HEG1: variants seen among roughly 807,000 people sequenced by gnomAD.
HEG1 encodes protein HEG homolog 1.
In HEG1, 56 loss-of-function variants were observed where a neutral mutation model predicts 125.6. That is an observed-to-expected ratio of 0.45 (90% CI 0.36 to 0.56). The LOEUF (loss-of-function observed/expected upper bound fraction) is 0.56. Among genes scored for constraint, HEG1 ranks in the 20% least tolerant of loss-of-function variants. HEG1 has a pLI of 0.00. For synonymous variants in HEG1, 644 were observed against 668.5 expected (o/e 0.96, Z 0.57); for missense variants, 1,523 against 1,670.0 (o/e 0.91, Z 1.53).
In HEG1 at chr3:124,969,566, A is replaced by G. The variant is rs1936389750; in HGVS notation, c.*1086T>C. The G allele has an allele frequency of 6.6e-6, 1 of 152,230 alleles. No individual in the cohort carries two copies. The highest frequency in any genetic ancestry group is 6.5e-5 in the Admixed American group (1 of 15,284). 9.4% of individuals were successfully genotyped at this position (152,230 alleles called of 1,614,324 possible). ...GTACAAAGTGCTGCAGTAGCCGGTG[A>G]GCAAACTCATGTGTGGCTCCATCTC... On this transcript the variant is annotated 3_prime_UTR_variant, in exon 17 of 17. Coordinates refer to ENST00000311127, the MANE Select transcript of HEG1 (RefSeq NM_020733.2).
rs556412618 is a variant in HEG1, at chr3:125,015,069, G to A, written c.1589-1079C>T. The A allele has an allele frequency of 1.7e-4, 194 of 1,154,008 alleles. No individual in the cohort carries two copies. In the African/African-American group the frequency reaches 2.8e-3, roughly 17 times the overall value. The allele number at this position is 1,154,008 out of a possible 1,614,324, so 71.5% of individuals were successfully genotyped here. On this transcript the variant is annotated intron_variant, in intron 5 of 16. Coordinates refer to ENST00000311127, the MANE Select transcript of HEG1 (RefSeq NM_020733.2). The stretch of plus-strand genomic sequence containing the variant: ...AATGCAGGGCTGGAGCGACAGGATC[G>A]TGCCCCAAGCCTCACTTCCTGGGCT...
intron 7 of HEG1, 113 bp from the exon 8 acceptor site, chr3:125,009,937 CA>C: frequency 9.1e-7 from 1 of 1,104,420 alleles, no homozygotes; most frequent in African/African-American, 1.6e-5. Context: ...GGTGAGACCC[CA>C]AAGGATAAGT....
intron 4 of HEG1, 72 bp from the exon 5 acceptor site, chr3:125,019,669 G>C: frequency 8.4e-7 from 1 of 1,191,632 alleles, no homozygotes; most frequent in Non-Finnish European, 1.2e-6. Context: ...TAAGAAGTGA[G>C]ACCTCTCTAG....
chr3:125,055,132 C>G (rs1470450038), intron 1 of HEG1, among the ~76,000 whole-genome samples: 2 of 152,112 alleles, frequency 1.3e-5, no homozygotes, highest in African/African-American at 4.8e-5. Context: ...TACAATATCC[C>G]GTCCTAGAAC....
chr3:125,036,219 A>AAAAAAAAAAAAG, intron 1 of HEG1, among the ~76,000 whole-genome samples: 1 of 150,738 alleles, frequency 6.6e-6, no homozygotes, highest in Admixed American at 6.6e-5. Flanking sequence ...CAAAAAAAAA[A>AAAAAAAAAAAAG]AAAAAAAGAA....
In HEG1 at chr3:125,022,896, T is replaced by C. The variant is rs560448266; in HGVS notation, c.914-1766A>G. On this transcript the variant is annotated intron_variant, in intron 3 of 16. Coordinates refer to ENST00000311127, the MANE Select transcript of HEG1 (RefSeq NM_020733.2). Reference sequence around the variant, plus strand: ...TAATTTCATCCATTCAACATTCCCATCAAAATCCAGTGGTCGGCCGGGTGC... The same window carrying C: ...TAATTTCATCCATTCAACATTCCCACCAAAATCCAGTGGTCGGCCGGGTGC... Among the ~76,000 whole-genome samples the C allele has an allele frequency of 2.4e-4, 36 of 152,192 alleles. No homozygotes were observed. In the South Asian group the frequency reaches 7.5e-3, roughly 32 times the overall value.
At position 125,021,040 on chromosome 3, in the gene HEG1, A is replaced by T. The variant is rs763592333; in HGVS notation, c.1004T>A (p.Phe335Tyr). Residue 335 changes from phenylalanine (F) to tyrosine (Y), a missense_variant, in exon 4 of 17, where the codon TTC becomes TAC. By Grantham distance (22) the Phe-to-Tyr change is conservative (BLOSUM62 3). Coordinates refer to ENST00000311127, the MANE Select transcript of HEG1 (RefSeq NM_020733.2). Reference sequence around the variant, plus strand: ...CAGCGTTCTCGGGCCACCATCAGTGAACACGGTGGCAACATGCATTGTCTT... The same window carrying T: ...CAGCGTTCTCGGGCCACCATCAGTGTACACGGTGGCAACATGCATTGTCTT... ...QTKTMHVATV[F>Y]TDGGPRTLRS... 2 of 1,611,996 alleles carry T rather than the reference A, an allele frequency of 1.2e-6. No individual in the cohort carries two copies. The highest frequency in any genetic ancestry group is 2.7e-5 in the African/African-American group (2 of 74,894).
At chr3:125,033,611 T>C (rs1233208417) in intron 1 of HEG1, among the ~76,000 whole-genome samples, 1 of 152,188 alleles carries the variant, frequency 6.6e-6, no homozygotes, top group Non-Finnish European at 1.5e-5. Context: ...AGGATGTATT[T>C]ACGAGTGGTC....
Position 124,995,555 on chromosome 3 carries a change from T to A in HEG1, c.3652+2134A>T, listed in dbSNP as rs558043977. Among the ~76,000 whole-genome samples, 9 of 152,316 alleles carry A rather than the reference T, an allele frequency of 5.9e-5. No homozygotes were observed. In the South Asian group the frequency reaches 1.9e-3, roughly 32 times the overall value. The stretch of plus-strand genomic sequence containing the variant: ...AACACACACTCCTCTATCCTCTATT[T>A]ATATTGAGCCTTGATTTGAGGTGTC... On this transcript the variant is annotated intron_variant, in intron 12 of 16. Coordinates refer to ENST00000311127, the MANE Select transcript of HEG1 (RefSeq NM_020733.2).
chr3:125,005,214 C>A, intron 9 of HEG1, 51 bp downstream of exon 9: 1 of 1,099,936 alleles, frequency 9.1e-7, no homozygotes. Context: ...GGAATAAAAT[C>A]TGTTCTAGGA....
At chr3:125,015,017 A>T (rs983898546) in intron 5 of HEG1, 20 of 1,228,418 alleles carry the variant, frequency 1.6e-5, no homozygotes, top group Non-Finnish European at 1.9e-5. Flanking sequence ...CCAAGGCTAA[A>T]AGTAGAGTGA....
chr3:125,007,632 T>C (rs1042237770), intron 8 of HEG1, among the ~76,000 whole-genome samples: 1 of 152,218 alleles, frequency 6.6e-6, no homozygotes, highest in Non-Finnish European at 1.5e-5. Flanking sequence ...TATATTACTT[T>C]ACTTGATCTT....
intron 14 of HEG1, among the ~76,000 whole-genome samples, chr3:124,982,016 C>CCT (rs771371183): frequency 1.4e-4 from 21 of 152,116 alleles, no homozygotes; most frequent in Non-Finnish European, 2.9e-4. Flanking sequence ...GATTCTCCTT[C>CCT]CTCAGCCAGC....
Position 125,013,927 on chromosome 3 carries a change from T to C in HEG1, c.1652A>G (p.His551Arg), listed in dbSNP as rs1456835886. 2.5e-6 allele frequency: 4 copies of C among 1,613,274 alleles called. No individual in the cohort carries two copies. Among genetic ancestry groups the C allele is most frequent in the Non-Finnish European group, 3.4e-6 (4 of 1,179,718 alleles). Residue 551 changes from histidine (H) to arginine (R), a missense_variant, in exon 6 of 17, where the codon CAC becomes CGC. His to Arg is a conservative substitution (Grantham distance 29, BLOSUM62 0). Transcript: ENST00000311127. ...AGATGACAGGTAGGTGTGGTCTGTG[T>C]GGTCGCTGGAAGTCCTTTGTTCAAT... ...TAIEQRTSSDHTDHTYLSSTF... is the reference protein window; with the variant it reads ...TAIEQRTSSDRTDHTYLSSTF...
Position 125,027,298 on chromosome 3 carries a change from G to A in HEG1, c.820C>T (p.Pro274Ser). 6.2e-7 allele frequency: 1 copy of A among 1,613,828 alleles called. No homozygotes were observed. The highest frequency in any genetic ancestry group is 8.5e-7 in the Non-Finnish European group (1 of 1,179,842). The change falls in exon 3 of 17, where the codon CCT becomes TCT. Residue 274 changes from proline (P) to serine (S), a missense_variant. Transcript: ENST00000311127. ...PALEMGELTT[P>S]SRKRNSSGPD... ...CCTGAGGAATTTCTCTTCCTAGAAG[G>A]CGTGGTCAGCTCTCCCATCTCCAAA...
chr3:125,036,294 G>A (rs1937547115), intron 1 of HEG1, among the ~76,000 whole-genome samples: 1 of 148,986 alleles, frequency 6.7e-6, no homozygotes, highest in Non-Finnish European at 1.5e-5. Flanking sequence ...GTCATAGAGA[G>A]AAATCAGTGA....
chr3:125,028,114 G>A (rs1195229863), intron 2 of HEG1, among the ~76,000 whole-genome samples: 1 of 151,866 alleles, frequency 6.6e-6, no homozygotes, highest in Non-Finnish European at 1.5e-5. Context: ...TGGCCACTAG[G>A]CCACATCGCA....
chr3:125,025,461 G>A (rs905435442), intron 3 of HEG1, among the ~76,000 whole-genome samples: 2 of 152,128 alleles, frequency 1.3e-5, no homozygotes, highest in Non-Finnish European at 2.9e-5. Flanking sequence ...AGATATGAAA[G>A]ATACGATGAA....
chr3:125,001,240 T>A lies in HEG1; in HGVS notation c.3517+612A>T, dbSNP rs1936994384. On this transcript the variant is annotated intron_variant, in intron 11 of 16. Coordinates refer to ENST00000311127, the MANE Select transcript of HEG1 (RefSeq NM_020733.2). Reference sequence around the variant, plus strand: ...ATGGGTAATACTGCACATGCTTTTTTTTTTTTTAACCTAATAATGTATCAT... The same window carrying A: ...ATGGGTAATACTGCACATGCTTTTTATTTTTTTAACCTAATAATGTATCAT... 6.6e-5 allele frequency among the ~76,000 whole-genome samples: 10 copies of A among 152,272 alleles called. No individual in the cohort carries two copies. In the South Asian group the frequency reaches 2.1e-3, roughly 32 times the overall value.
Sources: allele counts gnomAD v4.1 joint callset (sites outside exome capture counted in the v4.1 genomes callset), GRCh38; gene constraint gnomAD v4.1.1; transcripts MANE v1.5; gene names NCBI Gene and HGNC (gene_info 2026-07-23, HGNC 2026-07-21).